The following FAM240A variants were observed in gnomAD, a reference collection of about 807,000 sequenced individuals.
FAM240A encodes protein FAM240A.
FAM240A carries 8 observed loss-of-function variants against 7.3 expected under a neutral mutation model. The observed-to-expected ratio is 1.09, with a 90% CI of 0.64 to 1.97. The LOEUF (loss-of-function observed/expected upper bound fraction) is 1.97. Among genes scored for constraint, FAM240A ranks in the 30% most tolerant of loss-of-function variants. FAM240A has a pLI of 0.00. For synonymous variants in FAM240A, 32 were observed against 35.9 expected (o/e 0.89, Z 0.38); for missense variants, 90 against 102.2 (o/e 0.88, Z 0.52).
Position 46,625,215 on chromosome 3 carries a change from C to T in FAM240A, c.249C>T (p.Gly83=), listed in dbSNP as rs759709950. ...PEDTEKRTNV[G] is the part of the protein sequence containing the mutation. ...ACACTGAAAAGAGGACAAATGTTGGCTGAGAGCTTCCTGCTTCATTGACAC... is the reference window on the plus strand; with the variant it reads ...ACACTGAAAAGAGGACAAATGTTGGTTGAGAGCTTCCTGCTTCATTGACAC... The change falls in exon 3 of 3, where the codon GGC becomes GGT. Residue 83 remains glycine (G), a synonymous_variant. Coordinates refer to ENST00000640551, the MANE Select transcript of FAM240A (RefSeq NM_001195442.2). 3 of 1,530,084 alleles carry T rather than the reference C, an allele frequency of 2.0e-6. No individual in the cohort carries two copies. In the South Asian group the frequency reaches 3.6e-5, roughly 18 times the overall value. The allele number at this position is 1,530,084 out of a possible 1,614,324, so 94.8% of individuals were successfully genotyped here. A position where few individuals can be genotyped will look rare whatever the true frequency, so the allele number is the denominator to read the frequency against.
intron 2 of FAM240A, among the ~76,000 whole-genome samples, chr3:46,619,567 C>T (rs1396688487): frequency 6.6e-6 from 1 of 152,180 alleles, no homozygotes; most frequent in African/African-American, 2.4e-5. Context: ...CCGTCTCCCG[C>T]CTGTCCACTA....
chr3:46,623,025 T>C (rs1697714680), intron 2 of FAM240A, among the ~76,000 whole-genome samples: 1 of 152,174 alleles, frequency 6.6e-6, no homozygotes, highest in South Asian at 2.1e-4. Context: ...TTTATTTAGG[T>C]CTGTTTTAAT....
intron 2 of FAM240A, among the ~76,000 whole-genome samples, chr3:46,622,230 C>T (rs1354995093): frequency 1.3e-5 from 2 of 151,064 alleles, no homozygotes; most frequent in East Asian, 3.9e-4. Context: ...CTCAGCCTCC[C>T]GAGTAACTGG....
At chr3:46,622,538 A>G (rs1008017055) in intron 2 of FAM240A, among the ~76,000 whole-genome samples, 1 of 152,188 alleles carries the variant, frequency 6.6e-6, no homozygotes, top group African/African-American at 2.4e-5. Flanking sequence ...TAGATTAATA[A>G]TACCTTTTGA....
At chr3:46,622,044 G>A (rs1158553289) in intron 2 of FAM240A, among the ~76,000 whole-genome samples, 1 of 147,900 alleles carries the variant, frequency 6.8e-6, no homozygotes, top group Non-Finnish European at 1.5e-5. Context: ...CATTTTCTTT[G>A]GGTTTATTCT....
intron 1 of FAM240A, among the ~76,000 whole-genome samples, chr3:46,615,936 A>G (rs759626811): frequency 6.6e-6 from 1 of 152,164 alleles, no homozygotes; most frequent in Non-Finnish European, 1.5e-5. Context: ...CCTTTAGTAA[A>G]GGGCCTGGAA....
chr3:46,619,897 A>G (rs542079288), intron 2 of FAM240A, among the ~76,000 whole-genome samples: 1 of 152,304 alleles, frequency 6.6e-6, no homozygotes, highest in Non-Finnish European at 1.5e-5. Context: ...CCATTTTTAT[A>G]TATTGCTCGT....
At chr3:46,620,977 G>A (rs762643428) in intron 2 of FAM240A, among the ~76,000 whole-genome samples, 3 of 152,082 alleles carry the variant, frequency 2.0e-5, no homozygotes, top group Admixed American at 6.5e-5. Context: ...GGAGATATGG[G>A]AAACAAGATC....
intron 2 of FAM240A, among the ~76,000 whole-genome samples, chr3:46,618,220 G>A (rs1320979063): frequency 1.3e-5 from 2 of 152,188 alleles, no homozygotes; most frequent in Non-Finnish European, 2.9e-5. Flanking sequence ...CTGAGCCCTA[G>A]AGGGGAACCC....
intron 2 of FAM240A, among the ~76,000 whole-genome samples, chr3:46,618,869 A>C (rs761481950): frequency 1.2e-4 from 3 of 24,968 alleles, no homozygotes; most frequent in Non-Finnish European, 1.8e-4. Flanking sequence ...ATATATATGT[A>C]TATATATATA....
In FAM240A at chr3:46,625,309, C is replaced by A; in HGVS notation, c.*91C>A. 1.2e-6 allele frequency: 1 copy of A among 859,428 alleles called. No homozygotes were observed. The highest frequency in any genetic ancestry group is 1.8e-6 in the Non-Finnish European group (1 of 553,090). 53.2% of individuals were successfully genotyped at this position (859,428 alleles called of 1,614,324 possible). On this transcript the variant is annotated 3_prime_UTR_variant, in exon 3 of 3. Coordinates refer to ENST00000640551, the MANE Select transcript of FAM240A (RefSeq NM_001195442.2). Reference sequence around the variant, plus strand: ...CAAATTCCTGAGTCCCTTTGCTATACCAATCAGCTCTCACACTATTGTTTC... The same window carrying A: ...CAAATTCCTGAGTCCCTTTGCTATAACAATCAGCTCTCACACTATTGTTTC...
At chr3:46,618,054 C>A (rs1697650975) in intron 2 of FAM240A, among the ~76,000 whole-genome samples, 2 of 152,294 alleles carry the variant, frequency 1.3e-5, no homozygotes, top group East Asian at 1.9e-4. Context: ...ACAGCTCAGC[C>A]AGCTGTCTGA....
chr3:46,613,630 T>C (rs1227330476), intron 1 of FAM240A, among the ~76,000 whole-genome samples: 4 of 152,144 alleles, frequency 2.6e-5, no homozygotes, highest in Non-Finnish European at 5.9e-5. Flanking sequence ...CCAATCTGTT[T>C]CTGCAACTCT....
At chr3:46,617,731 G>A (rs1178020131) in intron 2 of FAM240A, among the ~76,000 whole-genome samples, 3 of 152,154 alleles carry the variant, frequency 2.0e-5, no homozygotes, top group Non-Finnish European at 2.9e-5. Context: ...GCAGGGGTGG[G>A]GGTACAAACA....
chr3:46,621,938 A>T (rs1266061445), intron 2 of FAM240A, among the ~76,000 whole-genome samples: 5 of 150,920 alleles, frequency 3.3e-5, no homozygotes, highest in African/African-American at 1.2e-4. Flanking sequence ...ATTCCTTTCT[A>T]TTTTTTTCTT....
intron 2 of FAM240A, among the ~76,000 whole-genome samples, chr3:46,621,485 T>C (rs936006118): frequency 2.6e-5 from 4 of 152,240 alleles, no homozygotes; most frequent in Non-Finnish European, 5.9e-5. Flanking sequence ...AGCACATAGT[T>C]GTCTGAGCAC....
chr3:46,622,620 A>G (rs1324568459), intron 2 of FAM240A, among the ~76,000 whole-genome samples: 3 of 152,196 alleles, frequency 2.0e-5, no homozygotes, highest in Non-Finnish European at 4.4e-5. Flanking sequence ...TTCCAGCACC[A>G]TATGCTGAAA....
chr3:46,623,014 C>G (rs1207536156), intron 2 of FAM240A, among the ~76,000 whole-genome samples: 2 of 152,166 alleles, frequency 1.3e-5, no homozygotes, highest in African/African-American at 4.8e-5. Context: ...ATATACGTCC[C>G]TTTATTTAGG....
At chr3:46,617,071 A>G (rs775322669) in intron 1 of FAM240A, 112 bp from the exon 2 acceptor site, 1 of 710,492 alleles carries the variant, frequency 1.4e-6, no homozygotes, top group Non-Finnish European at 2.2e-6. Flanking sequence ...GGATTGGAGT[A>G]AGATGGTAGG....
Sources: gnomAD v4.1 joint callset for allele counts (sites outside exome capture counted in the v4.1 genomes callset) on GRCh38, gnomAD v4.1.1 for gene constraint, MANE v1.5 for transcripts, NCBI Gene and HGNC (gene_info 2026-07-23, HGNC 2026-07-21) for gene names.